The following ROS1 variants were observed in gnomAD, a reference collection of about 807,000 sequenced individuals.
The protein encoded by ROS1 is proto-oncogene tyrosine-protein kinase ROS.
Under a neutral mutation model 273.5 loss-of-function variants are expected in ROS1, and 263 were observed. The ratio of observed to expected loss-of-function variants is 0.96; its 90% confidence interval spans 0.87 to 1.06. The LOEUF is 1.06. ROS1 is among the 50% of genes least tolerant of loss of function. The pLI is 0.00. For missense variants in ROS1, 2,833 were observed against 2,751.1 expected (o/e 1.03, Z -0.67); for synonymous variants, 1,008 against 954.1 (o/e 1.06, Z -1.04).
chr6:117,311,227 C>A, intron 39 of ROS1, 110 bp from the exon 40 acceptor site: 1 of 498,608 alleles, frequency 2.0e-6, no homozygotes, highest in Non-Finnish European at 3.5e-6. Context: ...ATGTATGTAT[C>A]TGATGTTTTA....
chr6:117,372,681 C>T (rs766471056), intron 18 of ROS1, among the ~76,000 whole-genome samples: 5 of 152,170 alleles, frequency 3.3e-5, no homozygotes, highest in African/African-American at 4.8e-5. Context: ...TCGCTCATTC[C>T]TCTCACTGGG....
intron 17 of ROS1, 21 bp from the exon 18 acceptor site, chr6:117,379,180 G>A: frequency 6.9e-7 from 1 of 1,454,944 alleles, no homozygotes; most frequent in Non-Finnish European, 9.6e-7. Flanking sequence ...AGTAAGGTAA[G>A]AAAATAAACC....
At chr6:117,319,366 T>A (rs186825012) in intron 37 of ROS1, among the ~76,000 whole-genome samples, 2 of 152,284 alleles carry the variant, frequency 1.3e-5, no homozygotes, top group Admixed American at 1.3e-4. Flanking sequence ...AATATTACTA[T>A]TTCATGACAT....
intron 1 of ROS1, among the ~76,000 whole-genome samples, chr6:117,421,744 ATT>A (rs1486024835): frequency 6.6e-6 from 1 of 151,770 alleles, no homozygotes; most frequent in Non-Finnish European, 1.5e-5. Context: ...TGTATCAGGG[ATT>A]TTTTCTTTAA....
chr6:117,417,110 A>AACTG (rs952442390), intron 2 of ROS1, among the ~76,000 whole-genome samples: 1 of 151,962 alleles, frequency 6.6e-6, no homozygotes, highest in African/African-American at 2.4e-5. Context: ...CCAAACTTCT[A>AACTG]ACTGCAGCTG....
At chr6:117,390,555 T>A (rs1772985624) in intron 12 of ROS1, among the ~76,000 whole-genome samples, 2 of 152,202 alleles carry the variant, frequency 1.3e-5, no homozygotes, top group Non-Finnish European at 2.9e-5. Flanking sequence ...ATCAGTAAAT[T>A]TTCTCATGCA....
intron 39 of ROS1, among the ~76,000 whole-genome samples, chr6:117,313,440 G>A (rs1775689398): frequency 1.3e-5 from 2 of 151,842 alleles, no homozygotes; most frequent in East Asian, 1.9e-4. Flanking sequence ...GGGTATGGTG[G>A]CATATGTCTG....
chr6:117,345,294 A>G (rs1196635024), intron 27 of ROS1, among the ~76,000 whole-genome samples: 3 of 152,148 alleles, frequency 2.0e-5, no homozygotes, highest in Non-Finnish European at 2.9e-5. Flanking sequence ...TTAAGCCTCA[A>G]TTCATGCATC....
chr6:117,315,406 T>G (rs867546641), intron 39 of ROS1, among the ~76,000 whole-genome samples: 2 of 152,106 alleles, frequency 1.3e-5, no homozygotes, highest in Non-Finnish European at 2.9e-5. Flanking sequence ...CAACTGTTAC[T>G]TTACTATGAG....
At chr6:117,301,225 A>T in intron 42 of ROS1, 88 bp from the exon 43 acceptor site, 1 of 1,141,968 alleles carries the variant, frequency 8.8e-7, no homozygotes, top group South Asian at 1.6e-5. Context: ...AAAGGAAAGA[A>T]TCTGAGTTAT....
chr6:117,421,220 T>A (rs1450138648), intron 1 of ROS1, among the ~76,000 whole-genome samples: 1 of 147,318 alleles, frequency 6.8e-6, no homozygotes, highest in Non-Finnish European at 1.5e-5. Flanking sequence ...TATATTGGAA[T>A]TATATATATT....
At chr6:117,376,677 T>A (rs1442625942) in intron 18 of ROS1, among the ~76,000 whole-genome samples, 6 of 152,042 alleles carry the variant, frequency 3.9e-5, no homozygotes, top group Non-Finnish European at 8.8e-5. Flanking sequence ...ATTAAAAAAA[T>A]TAGATACCTA....
intron 25 of ROS1, 123 bp from the exon 26 acceptor site, chr6:117,357,038 A>C: frequency 1.2e-6 from 1 of 812,226 alleles, no homozygotes; most frequent in Non-Finnish European, 1.9e-6. Flanking sequence ...TTTGGAGAGA[A>C]CATGGTCAAG....
intron 17 of ROS1, among the ~76,000 whole-genome samples, chr6:117,383,030 A>G (rs998340379): frequency 6.6e-6 from 1 of 152,182 alleles, no homozygotes; most frequent in Non-Finnish European, 1.5e-5. Context: ...ATAAATTAAA[A>G]TACTTTTAAG....
chr6:117,383,510 T>TA lies in ROS1; in HGVS notation c.2290-3dup, dbSNP rs1418399334. On this transcript the variant is annotated splice_region_variant and splice_polypyrimidine_tract_variant and intron_variant, in intron 16 of 43. Transcript: ENST00000368507. ...CGTCAACACAGACTGCCTTTGTATC[T>TA]AAAAAACATAATTGTATGGCCAGTT... is the stretch of plus-strand genomic sequence containing the variant. The TA allele has an allele frequency of 6.2e-7, 1 of 1,610,644 alleles. No homozygotes were observed. Among genetic ancestry groups the TA allele is most frequent in the Admixed American group, 1.7e-5 (1 of 59,958 alleles).
rs141240433 is a variant in ROS1, at chr6:117,379,079, T to C, written c.2562A>G (p.Thr854=). Residue 854 remains threonine, a synonymous_variant, in exon 18 of 44, where the codon ACA becomes ACG. Coordinates refer to ENST00000368507, the MANE Select transcript of ROS1 (RefSeq NM_001378902.1). ...CTTACCTCTGTCCCCGAAGAACAGC[T>C]GTGTACAGGTGAATACATTGACTGT... ...VQDSQCIHLY[T]AVLRGQSTGD... The C allele has an allele frequency of 4.2e-5, 68 of 1,611,650 alleles. No individual in the cohort carries two copies. In the African/African-American group the frequency reaches 8.7e-4, roughly 21 times the overall value.
At chr6:117,393,634 G>A (rs868308043) in intron 11 of ROS1, among the ~76,000 whole-genome samples, 1 of 152,132 alleles carries the variant, frequency 6.6e-6, no homozygotes, top group South Asian at 2.1e-4. Context: ...GTTGCTTACT[G>A]TGATAAGCCT....
At chr6:117,378,431 T>G (rs945859623) in intron 18 of ROS1, among the ~76,000 whole-genome samples, 1 of 151,920 alleles carries the variant, frequency 6.6e-6, no homozygotes, top group Admixed American at 6.6e-5. Flanking sequence ...ATTTCTGGAG[T>G]GGTGCAGATT....
intron 27 of ROS1, among the ~76,000 whole-genome samples, chr6:117,345,258 G>C (rs890171955): frequency 1.3e-5 from 2 of 152,178 alleles, no homozygotes; most frequent in Admixed American, 1.3e-4. Context: ...AGGTTGGAAT[G>C]ATCTTCCCCA....
Sources: allele counts gnomAD v4.1 joint callset (sites outside exome capture counted in the v4.1 genomes callset), GRCh38; gene constraint gnomAD v4.1.1; transcripts MANE v1.5; gene names NCBI Gene and HGNC (gene_info 2026-07-23, HGNC 2026-07-21).